CTNNBL1: variants seen among roughly 807,000 people sequenced by gnomAD.
CTNNBL1 encodes the protein catenin beta like 1.
CTNNBL1 carries 31 observed loss-of-function variants against 72.7 expected under a neutral mutation model. The ratio of observed to expected loss-of-function variants is 0.43; its 90% CI spans 0.32 to 0.58. The LOEUF (loss-of-function observed/expected upper bound fraction) is 0.58. Among genes scored for constraint, CTNNBL1 ranks in the 20% least tolerant of loss-of-function variants. The pLI is 0.08. For missense variants in CTNNBL1, 534 were observed against 725.1 expected, an observed-to-expected ratio of 0.74 and a Z score of 3.03; for synonymous variants, 240 against 267.3, an observed-to-expected ratio of 0.90 and a Z score of 1.00.
intron 11 of CTNNBL1, among the ~76,000 whole-genome samples, chr20:37,831,314 C>T (rs1473543598): frequency 1.3e-5 from 2 of 152,198 alleles, no homozygotes; most frequent in African/African-American, 4.8e-5. Context: ...CCATGCATGC[C>T]AGTTAATTGT....
intron 4 of CTNNBL1, among the ~76,000 whole-genome samples, chr20:37,756,634 T>C (rs967951961): frequency 7.8e-6 from 1 of 127,798 alleles, no homozygotes; most frequent in Non-Finnish European, 1.6e-5. Context: ...TCTCCCTTTC[T>C]TTTTTTTTTT....
intron 11 of CTNNBL1, among the ~76,000 whole-genome samples, chr20:37,832,518 C>G (rs1258350690): frequency 1.3e-5 from 2 of 152,178 alleles, no homozygotes; most frequent in African/African-American, 4.8e-5. Context: ...GGCTAAGCTC[C>G]ATGCTTGTGG....
intron 1 of CTNNBL1, among the ~76,000 whole-genome samples, chr20:37,709,434 C>T (rs1302362209): frequency 6.6e-6 from 1 of 152,216 alleles, no homozygotes; most frequent in Non-Finnish European, 1.5e-5. Flanking sequence ...ATTAGCAGCA[C>T]ACCAGTCCTC....
At chr20:37,832,042 CT>C (rs1402396923) in intron 11 of CTNNBL1, among the ~76,000 whole-genome samples, 1 of 152,224 alleles carries the variant, frequency 6.6e-6, no homozygotes, top group Non-Finnish European at 1.5e-5. Context: ...CACCTTAGCA[CT>C]GTCTGCAGGT....
intron 11 of CTNNBL1, among the ~76,000 whole-genome samples, chr20:37,821,459 T>A (rs986515742): frequency 6.6e-6 from 1 of 152,234 alleles, no homozygotes; most frequent in East Asian, 1.9e-4. Context: ...AAATTATATA[T>A]TGAATCCTTA....
At chr20:37,755,665 C>G (rs993082804) in intron 4 of CTNNBL1, among the ~76,000 whole-genome samples, 2 of 152,214 alleles carry the variant, frequency 1.3e-5, no homozygotes, top group Admixed American at 1.3e-4. Flanking sequence ...CCCAGAACAT[C>G]AGTCATCAGC....
intron 2 of CTNNBL1, among the ~76,000 whole-genome samples, chr20:37,736,334 C>T (rs1348731727): frequency 6.6e-6 from 1 of 152,192 alleles, no homozygotes; most frequent in African/African-American, 2.4e-5. Flanking sequence ...TGCAGTTTGC[C>T]AACTTCTGCT....
At chr20:37,721,077 C>G (rs1337232735) in intron 1 of CTNNBL1, among the ~76,000 whole-genome samples, 5 of 152,320 alleles carry the variant, frequency 3.3e-5, no homozygotes, top group African/African-American at 9.6e-5. Flanking sequence ...TTTTGTAGCA[C>G]TGTTTGCACG....
chr20:37,852,423 A>G (rs1022055498), intron 13 of CTNNBL1, among the ~76,000 whole-genome samples: 2 of 152,226 alleles, frequency 1.3e-5, no homozygotes, highest in Admixed American at 6.5e-5. Flanking sequence ...TTTATTGATG[A>G]AAGGATGAGC....
chr20:37,838,916 T>C (rs546412393), intron 11 of CTNNBL1, among the ~76,000 whole-genome samples: 160 of 152,212 alleles, frequency 1.1e-3, no homozygotes, highest in Non-Finnish European at 1.9e-3. Context: ...TGATAGGATG[T>C]TAGGCAGCCA....
intron 11 of CTNNBL1, among the ~76,000 whole-genome samples, chr20:37,812,090 A>C (rs1194725101): frequency 6.6e-6 from 1 of 152,196 alleles, no homozygotes; most frequent in Non-Finnish European, 1.5e-5. Context: ...CAAACCCAGC[A>C]GTATCTGCAA....
chr20:37,856,920 A>G (rs1272967506), intron 13 of CTNNBL1, among the ~76,000 whole-genome samples: 2 of 152,142 alleles, frequency 1.3e-5, no homozygotes, highest in Admixed American at 1.3e-4. Flanking sequence ...TGTTCTTGCC[A>G]TTAGGCACTT....
At chr20:37,702,297 T>C (rs769600239) in intron 1 of CTNNBL1, among the ~76,000 whole-genome samples, 5 of 152,372 alleles carry the variant, frequency 3.3e-5, no homozygotes, top group Non-Finnish European at 7.3e-5. Flanking sequence ...TCTTCTTGTG[T>C]GAGTTTATCA....
chr20:37,781,913 A>G (rs1207485019), intron 10 of CTNNBL1, among the ~76,000 whole-genome samples: 4 of 152,104 alleles, frequency 2.6e-5, no homozygotes, highest in Non-Finnish European at 5.9e-5. Flanking sequence ...TGGGCCTGGG[A>G]CTTGTAAGTG....
intron 10 of CTNNBL1, among the ~76,000 whole-genome samples, chr20:37,797,027 T>G (rs967443792): frequency 6.6e-6 from 1 of 152,220 alleles, no homozygotes; most frequent in Non-Finnish European, 1.5e-5. Context: ...GAGCTGATGG[T>G]GCACATCTCT....
At chr20:37,830,892 G>A (rs1488344032) in intron 11 of CTNNBL1, among the ~76,000 whole-genome samples, 1 of 152,014 alleles carries the variant, frequency 6.6e-6, no homozygotes, top group African/African-American at 2.4e-5. Flanking sequence ...TGGTTGCATG[G>A]GTACTTGATG....
intron 4 of CTNNBL1, among the ~76,000 whole-genome samples, chr20:37,749,055 T>C (rs2073294221): frequency 6.6e-6 from 1 of 152,170 alleles, no homozygotes; most frequent in South Asian, 2.1e-4. Flanking sequence ...CAGTACCTTG[T>C]TTGTTTCTAC....
intron 11 of CTNNBL1, among the ~76,000 whole-genome samples, chr20:37,817,086 G>A (rs2072066879): frequency 6.6e-6 from 1 of 152,146 alleles, no homozygotes; most frequent in Non-Finnish European, 1.5e-5. Flanking sequence ...CTTTATTACT[G>A]AGAGAACAGC....
intron 10 of CTNNBL1, among the ~76,000 whole-genome samples, chr20:37,788,083 A>T (rs911970426): frequency 6.6e-6 from 1 of 151,946 alleles, no homozygotes; most frequent in African/African-American, 2.4e-5. Context: ...TTAGGCTTAA[A>T]CTTCTCTAAG....
Sources: allele counts gnomAD v4.1 joint callset (sites outside exome capture counted in the v4.1 genomes callset), GRCh38; gene constraint gnomAD v4.1.1; transcripts MANE v1.5; gene names NCBI Gene and HGNC (gene_info 2026-07-23, HGNC 2026-07-21).